Variants in CNNM2 observed in about 807,000 individuals in gnomAD.
CNNM2 encodes metal transporter CNNM2.
In CNNM2, 12 loss-of-function variants were observed where a neutral mutation model predicts 66.9. The ratio of observed to expected loss-of-function variants is 0.18; its 90% CI spans 0.11 to 0.29. The LOEUF (loss-of-function observed/expected upper bound fraction) is 0.29, where lower values mean the gene tolerates loss of function less well. Among genes scored for constraint, CNNM2 ranks in the 10% least tolerant of loss-of-function variants. The pLI is 1.00. For synonymous variants in CNNM2, 557 were observed against 501.8 expected, an observed-to-expected ratio of 1.11 and a Z score of -1.47; for missense variants, 705 against 1,167.7, an observed-to-expected ratio of 0.60 and a Z score of 5.77.
rs1458159632 is a variant in CNNM2, at chr10:103,083,126, A to G, written c.*5946A>G. On this transcript the variant is annotated 3_prime_UTR_variant, in exon 8 of 8. Transcript: ENST00000369878. Reference sequence around the variant, plus strand: ...ATCCTCCTCAGCCTTTATTCACTGTATCATAGTGTACAGGTCATGCATTTG... The same window carrying G: ...ATCCTCCTCAGCCTTTATTCACTGTGTCATAGTGTACAGGTCATGCATTTG... 1 of 152,192 alleles carries G rather than the reference A, an allele frequency of 6.6e-6. No individual in the cohort carries two copies. Among genetic ancestry groups the G allele is most frequent in the African/African-American group, 2.4e-5 (1 of 41,440 alleles). The allele number at this position is 152,192 out of a possible 1,614,324, so 9.4% of individuals were successfully genotyped here.
Position 102,918,528 on chromosome 10 carries a change from G to A in CNNM2, c.48G>A (p.Gly16=). 1 of 1,603,558 alleles carries A rather than the reference G, an allele frequency of 6.2e-7. No individual in the cohort carries two copies. The highest frequency in any genetic ancestry group is 8.5e-7 in the Non-Finnish European group (1 of 1,177,166). Residue 16 remains glycine (G), a synonymous_variant, in exon 1 of 8, where the codon GGG becomes GGA. Transcript: ENST00000369878. This position sits in a 1 kb window ranked among gnomAD's most constrained non-coding sequence, Gnocchi z 4.1. ...ACEPKVKMAG[G]QAAAALPTWK... ...AACCCAAAGTAAAGATGGCGGGCGG[G>A]CAGGCAGCCGCCGCACTGCCCACTT...
intron 6 of CNNM2, among the ~76,000 whole-genome samples, chr10:103,072,252 A>G (rs2065597532): frequency 6.6e-6 from 1 of 152,186 alleles, no homozygotes. Context: ...GGCCGCTTTT[A>G]TAGAGCACAT....
intron 2 of CNNM2, among the ~76,000 whole-genome samples, chr10:103,052,026 C>T (rs1033124170): frequency 2.6e-5 from 4 of 152,102 alleles, no homozygotes; most frequent in Middle Eastern, 3.4e-3. Flanking sequence ...CCTGTAATCC[C>T]AGCACTTTGG....
Position 103,018,510 on chromosome 10 carries a change from C to G in CNNM2, c.1622-31197C>G, listed in dbSNP as rs6584537. On this transcript the variant is annotated intron_variant, in intron 1 of 7. Transcript: ENST00000369878. ...TGAAAATTTTGAGACAAAATGAGAT[C>G]ATTACTCAAATGAAGAAGTATAGAC... 0.31 allele frequency among the ~76,000 whole-genome samples: 46,762 copies of G among 151,546 alleles called. 7,357 individuals carry two copies. The highest frequency in any genetic ancestry group is 0.36 in the Middle Eastern group (103 of 290).
intron 3 of CNNM2, among the ~76,000 whole-genome samples, chr10:103,055,098 A>G (rs1040941280): frequency 6.6e-6 from 1 of 152,194 alleles, no homozygotes; most frequent in African/African-American, 2.4e-5. Flanking sequence ...TAAACCACCA[A>G]CCCAGCCGGC....
chr10:102,941,282 T>TAA (rs1564814283), intron 1 of CNNM2, among the ~76,000 whole-genome samples: 4 of 151,538 alleles, frequency 2.6e-5, no homozygotes, highest in African/African-American at 7.3e-5. Flanking sequence ...TTATAAAAAA[T>TAA]TACGTAGTAG....
intron 1 of CNNM2, among the ~76,000 whole-genome samples, chr10:102,999,689 C>T (rs1203071557): frequency 6.6e-6 from 1 of 152,014 alleles, no homozygotes; most frequent in African/African-American, 2.4e-5. Flanking sequence ...GCATATTGAT[C>T]CCAAAATTCA....
At chr10:103,004,327 ATTCT>A (rs1163749835) in intron 1 of CNNM2, among the ~76,000 whole-genome samples, 2 of 152,026 alleles carry the variant, frequency 1.3e-5, no homozygotes, top group East Asian at 1.9e-4. Flanking sequence ...ACCACACTTT[ATTCT>A]TTCTATTTTT....
Position 103,004,987 on chromosome 10 carries a change from C to CT in CNNM2, c.1622-44711dup, listed in dbSNP as rs1006833701. On this transcript the variant is annotated intron_variant, in intron 1 of 7. Transcript: ENST00000369878. ...TCCATTATTGAATGGTCTTTAATTT[C>CT]TTTTTTTTTCCCCCCTCCAGGTTAA... 2.1e-3 allele frequency among the ~76,000 whole-genome samples: 312 copies of CT among 151,556 alleles called. 2 individuals carry two copies. Among genetic ancestry groups the CT allele is most frequent in the African/African-American group, 7.2e-3 (296 of 41,328 alleles).
chr10:102,995,722 T>A (rs1250772519), intron 1 of CNNM2, among the ~76,000 whole-genome samples: 3 of 151,940 alleles, frequency 2.0e-5, no homozygotes, highest in African/African-American at 7.3e-5. Context: ...AGGCATTCCA[T>A]TGATTTAAAG....
chr10:103,034,542 T>G (rs1179193934), intron 1 of CNNM2, among the ~76,000 whole-genome samples: 4 of 152,198 alleles, frequency 2.6e-5, no homozygotes, highest in African/African-American at 9.7e-5. Context: ...ATGACTTTTG[T>G]ATAATTACTG....
chr10:102,935,931 C>T (rs1846224438), intron 1 of CNNM2, among the ~76,000 whole-genome samples: 1 of 151,608 alleles, frequency 6.6e-6, no homozygotes, highest in Admixed American at 6.6e-5. Context: ...CACTATAATC[C>T]TTGAGGTTTT....
At position 103,015,657 on chromosome 10, in the gene CNNM2, C is replaced by T. The variant is rs530735083; in HGVS notation, c.1622-34050C>T. Among the ~76,000 whole-genome samples the T allele has an allele frequency of 1.1e-3, 174 of 152,132 alleles. 3 individuals are homozygous for T. The South Asian group carries it at 0.035, about 30-fold the overall frequency. ...TCACTTGACATCGGGAGTTCGAGAC[C>T]AGCCTGGCGAATGTGGTGAAACCCC... On this transcript the variant is annotated intron_variant, in intron 1 of 7. Transcript: ENST00000369878.
At chr10:102,921,277 A>G (rs1265542298) in intron 1 of CNNM2, among the ~76,000 whole-genome samples, 2 of 152,226 alleles carry the variant, frequency 1.3e-5, no homozygotes, top group African/African-American at 4.8e-5. Flanking sequence ...ATAGTCCTCA[A>G]AACCAAGTTT....
At chr10:102,946,228 A>G (rs1846613381) in intron 1 of CNNM2, among the ~76,000 whole-genome samples, 1 of 152,124 alleles carries the variant, frequency 6.6e-6, no homozygotes, top group South Asian at 2.1e-4. Flanking sequence ...GTCTCAAAGG[A>G]GGCCAGAGGC....
Position 103,049,694 on chromosome 10 carries a change from C to T in CNNM2, c.1622-13C>T. ...CAGAAAGTCACTTCCTAAACTTTTT[C>T]TTGTCTCTAAAGGTAAATCTCACCT... is the stretch of plus-strand genomic sequence containing the variant. On this transcript the variant is annotated splice_polypyrimidine_tract_variant and intron_variant, in intron 1 of 7. Coordinates refer to ENST00000369878, the MANE Select transcript of CNNM2 (RefSeq NM_017649.5). 1.2e-6 allele frequency: 2 copies of T among 1,602,132 alleles called. No homozygotes were observed. Among genetic ancestry groups the T allele is most frequent in the South Asian group, 1.1e-5 (1 of 88,850 alleles).
chr10:102,954,051 C>A (rs535449615), intron 1 of CNNM2, among the ~76,000 whole-genome samples: 2 of 152,118 alleles, frequency 1.3e-5, no homozygotes, highest in African/African-American at 4.8e-5. Context: ...AAGAATTGAA[C>A]CCCAGACTGC....
At chr10:102,971,129 T>C (rs1352931883) in intron 1 of CNNM2, among the ~76,000 whole-genome samples, 1 of 150,190 alleles carries the variant, frequency 6.7e-6, no homozygotes, top group East Asian at 1.9e-4. Flanking sequence ...AGCCCAGGAG[T>C]TCAAGGCTGC....
rs1307078431 is a variant in CNNM2 at position 102,918,696 on chromosome 10, G to C, written c.216G>C (p.Thr72=). ...CAGCGGTGGGCGAGAATGAGGAGAC[G>C]GTGATCATCGGGCTGCGACTGGAGG... ...GCAAVGENEE[T]VIIGLRLEDT... Residue 72 remains threonine, a synonymous_variant, in exon 1 of 8, where the codon ACG becomes ACC. Transcript: ENST00000369878. The surrounding 1 kb of genome is among the most constrained non-coding windows in gnomAD (Gnocchi z 4.1). 1.3e-6 allele frequency: 2 copies of C among 1,559,352 alleles called. No homozygotes were observed. Among genetic ancestry groups the C allele is most frequent in the Non-Finnish European group, 8.7e-7 (1 of 1,152,232 alleles).
Sources: allele counts gnomAD v4.1 joint callset (sites outside exome capture counted in the v4.1 genomes callset), GRCh38; gene constraint gnomAD v4.1.1; non-coding constraint Gnocchi (gnomAD v3.1); transcripts MANE v1.5; gene names NCBI Gene and HGNC (gene_info 2026-07-23, HGNC 2026-07-21).